NAP1L4: variants seen among roughly 807,000 people sequenced by gnomAD.
The protein encoded by NAP1L4 is nucleosome assembly protein 1 like 4.
NAP1L4 carries 15 observed loss-of-function variants against 58.2 expected under a neutral mutation model. That is an observed-to-expected ratio of 0.26 (90% CI 0.17 to 0.40). NAP1L4 has a LOEUF of 0.40. Ranked by LOEUF, NAP1L4 falls within the 10% of genes least tolerant of loss-of-function variation. The pLI is 1.00. For missense variants in NAP1L4, 384 were observed against 451.1 expected (o/e 0.85, Z 1.35); for synonymous variants, 171 against 155.6 (o/e 1.10, Z -0.74).
At chr11:2,990,894 C>A in intron 1 of NAP1L4, 1 of 331,848 alleles carries the variant, frequency 3.0e-6, no homozygotes, top group Non-Finnish European at 6.1e-6. Context: ...AAGGTAGTAA[C>A]TTAGAAAGAC....
intron 8 of NAP1L4, among the ~76,000 whole-genome samples, chr11:2,962,639 CAT>C (rs1258479040): frequency 5.3e-5 from 8 of 151,626 alleles, no homozygotes; most frequent in African/African-American, 1.9e-4. Context: ...GTATTTTCTA[CAT>C]ATGACTTTTA....
chr11:2,957,861 C>A (rs1846636107), intron 10 of NAP1L4, among the ~76,000 whole-genome samples: 1 of 152,166 alleles, frequency 6.6e-6, no homozygotes, highest in African/African-American at 2.4e-5. Context: ...AAAATTCTAT[C>A]AAATTATGCA....
intron 8 of NAP1L4, among the ~76,000 whole-genome samples, chr11:2,962,194 A>G (rs1356505726): frequency 6.6e-6 from 1 of 152,236 alleles, no homozygotes; most frequent in Non-Finnish European, 1.5e-5. Flanking sequence ...ACCATCAAAC[A>G]TTTAATTTAA....
chr11:2,979,853 C>T (rs986925949), intron 1 of NAP1L4, among the ~76,000 whole-genome samples: 6 of 152,010 alleles, frequency 3.9e-5, no homozygotes, highest in Admixed American at 2.6e-4. Context: ...TTCTAATTTG[C>T]CTTATTTTTT....
chr11:2,971,457 C>A lies in NAP1L4; in HGVS notation c.393G>T (p.Glu131Asp), dbSNP rs768486130. The A allele has an allele frequency of 5.0e-6, 8 of 1,613,640 alleles. No homozygotes were observed. The highest frequency in any genetic ancestry group is 6.8e-6 in the Non-Finnish European group (8 of 1,179,928). The change falls in exon 6 of 16, where the codon GAG (glutamate) becomes GAT (aspartate). Residue 131 changes from glutamate (E) to aspartate (D), a missense_variant. This residue lies in a region of NAP1L4 where 296 missense variants were observed against 360.8 expected (regional missense o/e 0.82). Coordinates refer to ENST00000380542, the MANE Select transcript of NAP1L4 (RefSeq NM_005969.4). The surrounding 1 kb of genome is among the most constrained non-coding windows in gnomAD (Gnocchi z 4.2). ...GTTTCTAAAGACTTACAGCCAATTT[C>A]TCTTCCTCTTCATTTTCACTGTGCC... ...SEWHSENEEE[E>D]KLAGDMKSKV...
At chr11:2,990,059 A>C (rs1244522979) in intron 1 of NAP1L4, 1 of 152,220 alleles carries the variant, frequency 6.6e-6, no homozygotes, top group Non-Finnish European at 1.5e-5. Flanking sequence ...TTCTCCAATG[A>C]CTACTCCATA....
intron 7 of NAP1L4, among the ~76,000 whole-genome samples, chr11:2,969,312 A>T (rs1564983057): frequency 6.6e-6 from 1 of 151,922 alleles, no homozygotes; most frequent in Non-Finnish European, 1.5e-5. Context: ...TTTTCAAGAG[A>T]AATGATCAGA....
At chr11:2,970,055 T>A (rs1279935166) in intron 6 of NAP1L4, 121 bp from the exon 7 acceptor site, 1 of 1,055,782 alleles carries the variant, frequency 9.5e-7, no homozygotes, top group African/African-American at 1.6e-5. Context: ...GCTTTCTAAG[T>A]CTGCACCTCC....
intron 1 of NAP1L4, among the ~76,000 whole-genome samples, chr11:2,985,263 A>G (rs925674324): frequency 6.6e-6 from 1 of 152,236 alleles, no homozygotes; most frequent in African/African-American, 2.4e-5. Context: ...CAATGTAGAG[A>G]GGTGGTATTA....
chr11:2,964,825 G>A, intron 7 of NAP1L4, 74 bp from the exon 8 acceptor site: 2 of 1,100,810 alleles, frequency 1.8e-6, no homozygotes, highest in South Asian at 2.6e-5. Context: ...AGTCATGGTT[G>A]CAGAGGCTCC....
intron 4 of NAP1L4, among the ~76,000 whole-genome samples, chr11:2,974,259 A>T (rs1847823365): frequency 6.6e-6 from 1 of 152,126 alleles, no homozygotes; most frequent in South Asian, 2.1e-4. Flanking sequence ...AAAGGATGTT[A>T]AACAAACTGG....
At position 2,946,899 on chromosome 11, in the gene NAP1L4, T is replaced by C. The variant is rs1275438987; in HGVS notation, c.*33-1253A>G. On this transcript the variant is annotated intron_variant, in intron 15 of 15. Coordinates refer to ENST00000380542, the MANE Select transcript of NAP1L4 (RefSeq NM_005969.4). The surrounding 1 kb of genome is among the most constrained non-coding windows in gnomAD (Gnocchi z 4.8). The stretch of plus-strand genomic sequence containing the variant: ...CCACTGGCCTTAGGAGTGTGGGGGA[T>C]GCAGGGCGCCCCGAGCAGGAGCAGT... 1.3e-5 allele frequency among the ~76,000 whole-genome samples: 2 copies of C among 152,004 alleles called. No homozygotes were observed. The highest frequency in any genetic ancestry group is 2.9e-5 in the Non-Finnish European group (2 of 67,998).
rs764993041 is a variant in NAP1L4 at position 2,954,629 on chromosome 11, G to A, written c.933C>T (p.Phe311=). The A allele has an allele frequency of 6.2e-7, 1 of 1,614,202 alleles. No homozygotes were observed. Residue 311 remains phenylalanine, a synonymous_variant, in exon 12 of 16, where the codon TTC becomes TTT. Coordinates refer to ENST00000380542, the MANE Select transcript of NAP1L4 (RefSeq NM_005969.4). The surrounding 1 kb of genome is among the most constrained non-coding windows in gnomAD (Gnocchi z 4.8). ...CAATTTCAAAATCAGAGGCTAATGT[G>A]AATTCAGAATCTTCATCCTGAGGAG... ...DGESLDEDSE[F]TLASDFEIGH... is the part of the protein sequence containing the mutation.
chr11:2,962,878 G>T (rs1847017192), intron 8 of NAP1L4, among the ~76,000 whole-genome samples: 1 of 151,958 alleles, frequency 6.6e-6, no homozygotes, highest in African/African-American at 2.4e-5. Flanking sequence ...GAGGCGGGTG[G>T]ATCACGAGGT....
At position 2,949,122 on chromosome 11, in the gene NAP1L4, T is replaced by C; in HGVS notation, c.*32+105A>G. On this transcript the variant is annotated intron_variant, in intron 15 of 15. Coordinates refer to ENST00000380542, the MANE Select transcript of NAP1L4 (RefSeq NM_005969.4). The surrounding 1 kb of genome is among the most constrained non-coding windows in gnomAD (Gnocchi z 4.0). ...TATGTCAAACCTGTGACACAGTGAG[T>C]GTACCTGGACAGCAACTCCCTCTTT... 4 of 843,362 alleles carry C rather than the reference T, an allele frequency of 4.7e-6. No homozygotes were observed. Among genetic ancestry groups the C allele is most frequent in the East Asian group, 2.6e-5 (1 of 38,986 alleles). The allele number at this position is 843,362 out of a possible 1,614,324, so 52.2% of individuals were successfully genotyped here. A position where few individuals can be genotyped will look rare whatever the true frequency, so the allele number is the denominator to read the frequency against.
intron 8 of NAP1L4, among the ~76,000 whole-genome samples, chr11:2,962,740 G>GA (rs1847003538): frequency 6.6e-6 from 1 of 151,814 alleles, no homozygotes; most frequent in African/African-American, 2.4e-5. Flanking sequence ...ATGAGATGGA[G>GA]AAAAATAAGA....
intron 1 of NAP1L4, among the ~76,000 whole-genome samples, chr11:2,986,626 A>AC (rs556788048): frequency 7.2e-6 from 1 of 139,726 alleles, no homozygotes; most frequent in African/African-American, 2.7e-5. Flanking sequence ...ATGGTAGTAA[A>AC]TTTTTTTTTT....
At chr11:2,969,663 G>T in intron 7 of NAP1L4, 140 bp downstream of exon 7, 1 of 810,130 alleles carries the variant, frequency 1.2e-6, no homozygotes, top group Non-Finnish European at 1.8e-6. Context: ...CTGCTCATCT[G>T]AGGTCCTGGT....
rs1162185853 is a variant in NAP1L4 at position 2,963,705 on chromosome 11, CTG to C, written c.606+973_606+974del. 27 of 514,652 alleles carry C rather than the reference CTG, an allele frequency of 5.2e-5. No individual in the cohort carries two copies. The Admixed American group carries it at 5.3e-4, about 10-fold the overall frequency. 31.9% of individuals were successfully genotyped at this position (514,652 alleles called of 1,614,324 possible). A position where few individuals can be genotyped will look rare whatever the true frequency, so the allele number is the denominator to read the frequency against. On this transcript the variant is annotated intron_variant, in intron 8 of 15. Transcript: ENST00000380542. ...TGGGGAGGAAGGAAGATACTGGTGA[CTG>C]GCCCCAGGCCCCTACCACCATCACC... is the stretch of plus-strand genomic sequence containing the variant.
Sources: allele counts gnomAD v4.1 joint callset (sites outside exome capture counted in the v4.1 genomes callset), GRCh38; gene constraint gnomAD v4.1.1; regional missense constraint gnomAD v4.1.1; non-coding constraint Gnocchi (gnomAD v3.1); transcripts MANE v1.5; gene names NCBI Gene and HGNC (gene_info 2026-07-23, HGNC 2026-07-21).